The following HPSE2 variants were observed in gnomAD, a reference collection of about 807,000 sequenced individuals.
The protein encoded by HPSE2 is inactive heparanase-2.
In HPSE2, 38 loss-of-function variants were observed where a neutral mutation model predicts 60.5. The ratio of observed to expected loss-of-function variants is 0.63; its 90% CI spans 0.48 to 0.82. The LOEUF is 0.82. HPSE2 is among the 40% of genes least tolerant of loss of function. The probability of loss-of-function intolerance (pLI) is 0.00; values close to 1 mark genes in which losing one functional copy is unlikely to be tolerated. For synonymous variants in HPSE2, 295 were observed against 293.2 expected, an observed-to-expected ratio of 1.01 and a Z score of -0.06; for missense variants, 713 against 740.4, an observed-to-expected ratio of 0.96 and a Z score of 0.43.
At chr10:99,104,495 A>T (rs568921658) in intron 3 of HPSE2, among the ~76,000 whole-genome samples, 111 of 152,294 alleles carry the variant, frequency 7.3e-4, no homozygotes, top group African/African-American at 2.6e-3. Context: ...ATTGTGGAAG[A>T]CAGTGTGGCA....
At chr10:98,717,959 T>A (rs1348970764) in intron 5 of HPSE2, among the ~76,000 whole-genome samples, 1 of 152,140 alleles carries the variant, frequency 6.6e-6, no homozygotes, top group Admixed American at 6.6e-5. Context: ...ATATAATTTT[T>A]TTAGATAAAT....
At position 98,938,703 on chromosome 10, in the gene HPSE2, C is replaced by T. The variant is rs565752419; in HGVS notation, c.611-194647G>A. Among the ~76,000 whole-genome samples, 13 of 143,698 alleles carry T rather than the reference C, an allele frequency of 9.0e-5. 2 individuals are homozygous for T. Among genetic ancestry groups the T allele is most frequent in the East Asian group, 3.9e-4 (2 of 5,064 alleles). The allele number at this position is 143,698 out of a possible 152,430, so 94.3% of individuals were successfully genotyped here. On this transcript the variant is annotated intron_variant, in intron 3 of 11. Coordinates refer to ENST00000370552, the MANE Select transcript of HPSE2 (RefSeq NM_021828.5). Reference sequence around the variant, plus strand: ...AGAACTTCCCCAATCTAGCAAGGCACGCCAACATTCAGACTCAGGAAATAC... The same window carrying T: ...AGAACTTCCCCAATCTAGCAAGGCATGCCAACATTCAGACTCAGGAAATAC...
chr10:99,203,242 T>A (rs12765469), intron 2 of HPSE2, among the ~76,000 whole-genome samples: 7,212 of 151,828 alleles, frequency 0.048, 236 homozygotes, highest in Non-Finnish European at 0.072. Flanking sequence ...AGGGCCAGGA[T>A]AGCCCCAGTG....
intron 3 of HPSE2, among the ~76,000 whole-genome samples, chr10:98,987,910 T>C (rs919551468): frequency 6.6e-6 from 1 of 152,046 alleles, no homozygotes; most frequent in East Asian, 1.9e-4. Context: ...TCAAAGAGAA[T>C]AAAATACCTA....
chr10:99,156,458 A>G (rs1374082757), intron 2 of HPSE2, among the ~76,000 whole-genome samples: 9 of 137,524 alleles, frequency 6.5e-5, no homozygotes, highest in Non-Finnish European at 1.4e-4. Context: ...ACACAAATCA[A>G]TAAATGTAAT....
At chr10:99,115,320 A>G (rs993132471) in intron 3 of HPSE2, among the ~76,000 whole-genome samples, 2 of 151,934 alleles carry the variant, frequency 1.3e-5, no homozygotes, top group African/African-American at 4.8e-5. Flanking sequence ...CACCCAGCTA[A>G]TTTTTTGGTA....
intron 3 of HPSE2, among the ~76,000 whole-genome samples, chr10:99,003,300 C>T (rs902556112): frequency 3.9e-5 from 6 of 152,084 alleles, no homozygotes; most frequent in African/African-American, 1.4e-4. Context: ...ATGAATAATG[C>T]TGCAATGAAC....
intron 3 of HPSE2, among the ~76,000 whole-genome samples, chr10:99,043,716 G>A (rs1957794338): frequency 6.6e-6 from 1 of 152,026 alleles, no homozygotes; most frequent in East Asian, 1.9e-4. Context: ...CAAGAATTTT[G>A]TAATACAATC....
rs1399247483 is a variant in HPSE2, at chr10:99,086,746, T to A, written c.610+57492A>T. Among the ~76,000 whole-genome samples, 5 of 152,218 alleles carry A rather than the reference T, an allele frequency of 3.3e-5. No homozygotes were observed. The East Asian group carries it at 7.7e-4, about 23-fold the overall frequency. On this transcript the variant is annotated intron_variant, in intron 3 of 11. Transcript: ENST00000370552. ...AAAACAAATCATCCTAATCTCATCT[T>A]TCATCCAAAAAGTAAATGTGTTTTC...
At chr10:98,598,105 T>C (rs1945297404) in intron 9 of HPSE2, among the ~76,000 whole-genome samples, 2 of 151,606 alleles carry the variant, frequency 1.3e-5, no homozygotes, top group Non-Finnish European at 2.9e-5. Context: ...AAACAACTTG[T>C]CTTATTGTGT....
At chr10:98,490,363 C>T (rs1941602061) in intron 9 of HPSE2, among the ~76,000 whole-genome samples, 167 bp from the exon 10 acceptor site, 1 of 152,156 alleles carries the variant, frequency 6.6e-6, no homozygotes, top group African/African-American at 2.4e-5. Flanking sequence ...CAAGCATGGT[C>T]AGCCCCATGA....
intron 4 of HPSE2, among the ~76,000 whole-genome samples, chr10:98,725,821 CA>C (rs1366759647): frequency 1.3e-5 from 2 of 152,078 alleles, no homozygotes; most frequent in Non-Finnish European, 2.9e-5. Context: ...AAAAAGTGGG[CA>C]AAGGATATGA....
intron 9 of HPSE2, among the ~76,000 whole-genome samples, chr10:98,512,860 T>C (rs1276538441): frequency 2.3e-5 from 2 of 85,632 alleles, no homozygotes; most frequent in African/African-American, 6.4e-5. Flanking sequence ...CTTTGTTAAC[T>C]CAACTGAGAT....
In HPSE2 at chr10:98,513,681, C is replaced by T. The variant is rs182370348; in HGVS notation, c.1321-23485G>A. Among the ~76,000 whole-genome samples, 18 of 152,286 alleles carry T rather than the reference C, an allele frequency of 1.2e-4. No homozygotes were observed. The East Asian group carries it at 3.1e-3, about 26-fold the overall frequency. ...GCTGTAAAAAAATGACAACAATATG[C>T]TTTTGGTAAGAGCTATTTTTTGGCA... is the stretch of plus-strand genomic sequence containing the variant. On this transcript the variant is annotated intron_variant, in intron 9 of 11. Transcript: ENST00000370552.
At chr10:99,176,026 G>A (rs369018188) in intron 2 of HPSE2, among the ~76,000 whole-genome samples, 12 of 152,298 alleles carry the variant, frequency 7.9e-5, no homozygotes, top group African/African-American at 2.9e-4. Flanking sequence ...GCAGCAGAAG[G>A]GCCTCACTGT....
rs867206407 is a variant in HPSE2 at position 98,714,644 on chromosome 10, C to T, written c.956+7013G>A. 9.2e-5 allele frequency among the ~76,000 whole-genome samples: 14 copies of T among 151,954 alleles called. No individual in the cohort carries two copies. In the South Asian group the frequency reaches 2.9e-3, roughly 32 times the overall value. On this transcript the variant is annotated intron_variant, in intron 5 of 11. Transcript: ENST00000370552. ...TTCTATTTTTTAGCTATTATGAATA[C>T]TGCTGCTATGAATATTTGCGTACAA... is the stretch of plus-strand genomic sequence containing the variant.
At chr10:98,898,204 C>T (rs903686075) in intron 3 of HPSE2, among the ~76,000 whole-genome samples, 1 of 152,140 alleles carries the variant, frequency 6.6e-6, no homozygotes, top group Non-Finnish European at 1.5e-5. Context: ...TCTTACCTTA[C>T]AATCCAACAA....
At chr10:98,978,072 T>C (rs900062379) in intron 3 of HPSE2, among the ~76,000 whole-genome samples, 2 of 152,074 alleles carry the variant, frequency 1.3e-5, no homozygotes, top group Non-Finnish European at 2.9e-5. Flanking sequence ...ACATAGCTAG[T>C]ACAAGGTAGA....
At chr10:99,222,134 G>A (rs1849333302) in intron 2 of HPSE2, among the ~76,000 whole-genome samples, 1 of 151,974 alleles carries the variant, frequency 6.6e-6, no homozygotes, top group East Asian at 1.9e-4. Context: ...CTTTCCTCTA[G>A]GGGAAAGGCC....
Sources: allele counts gnomAD v4.1 joint callset (sites outside exome capture counted in the v4.1 genomes callset), GRCh38; gene constraint gnomAD v4.1.1; transcripts MANE v1.5; gene names NCBI Gene and HGNC (gene_info 2026-07-23, HGNC 2026-07-21).